STAU1: variants seen among roughly 807,000 people sequenced by gnomAD.
STAU1 encodes staufen double-stranded RNA binding protein 1.
A neutral mutation model predicts 62.9 loss-of-function variants in STAU1; 13 were observed. The ratio of observed to expected loss-of-function variants is 0.21; its 90% CI spans 0.13 to 0.33. The LOEUF is 0.33. STAU1 is among the 10% of genes least tolerant of loss of function. The probability of loss-of-function intolerance (pLI) is 1.00; values close to 1 mark genes in which losing one functional copy is unlikely to be tolerated. For missense variants in STAU1, 571 were observed against 712.1 expected (o/e 0.80, Z 2.25); for synonymous variants, 269 against 265.1 (o/e 1.01, Z -0.14).
intron 6 of STAU1, among the ~76,000 whole-genome samples, chr20:49,125,214 A>AAAAC (rs1424641780): frequency 1.4e-4 from 20 of 146,054 alleles, no homozygotes; most frequent in African/African-American, 5.0e-4. Context: ...AAAAAAAAAA[A>AAAAC]AAAAAAAAAA....
At chr20:49,122,871 A>G (rs536589624) in intron 8 of STAU1, among the ~76,000 whole-genome samples, 16 of 152,232 alleles carry the variant, frequency 1.1e-4, no homozygotes, top group African/African-American at 3.9e-4. Flanking sequence ...GAGCTGAGAC[A>G]GCACCACTGC....
intron 6 of STAU1, among the ~76,000 whole-genome samples, chr20:49,129,279 AATTTTT>A (rs1454791636): frequency 2.0e-5 from 2 of 101,958 alleles, no homozygotes; most frequent in Non-Finnish European, 1.8e-5. Flanking sequence ...TTTAAAAAAA[AATTTTT>A]TTTTTTTTTT....
chr20:49,202,327 C>T, the STAU1 span, among the ~76,000 whole-genome samples: 15,519 of 151,944 alleles, frequency 0.1, 1,095 homozygotes, highest in African/African-American at 0.2. Flanking sequence ...TTTAGGAGGC[C>T]GAGCTGGGCA....
At chr20:49,162,311 A>G (rs2093460842) in intron 3 of STAU1, among the ~76,000 whole-genome samples, 1 of 152,246 alleles carries the variant, frequency 6.6e-6, no homozygotes. Flanking sequence ...GGACGGAAAC[A>G]GTCTGTGCCT....
intron 1 of STAU1, among the ~76,000 whole-genome samples, chr20:49,175,501 A>C (rs1008033753): frequency 2.6e-5 from 4 of 151,678 alleles, no homozygotes; most frequent in Admixed American, 6.6e-5. Flanking sequence ...TTTTTTTGAG[A>C]TGGAGTCTTA....
the STAU1 span, among the ~76,000 whole-genome samples, chr20:49,206,496 A>T: frequency 1.3e-3 from 147 of 114,574 alleles, no homozygotes; most frequent in African/African-American, 4.9e-3. Flanking sequence ...ATCCTGGGCC[A>T]CCGTGCCCGG....
chr20:49,171,289 G>GTTAT (rs1008846077), intron 2 of STAU1, among the ~76,000 whole-genome samples: 13 of 152,276 alleles, frequency 8.5e-5, no homozygotes, highest in Middle Eastern at 3.4e-3. Flanking sequence ...CCTTATACCA[G>GTTAT]TTATTTATTT....
At chr20:49,135,471 C>A (rs982677109) in intron 6 of STAU1, among the ~76,000 whole-genome samples, 2 of 152,150 alleles carry the variant, frequency 1.3e-5, no homozygotes, top group African/African-American at 4.8e-5. Context: ...TCTGAAGAGA[C>A]CTTTAGGGAC....
At chr20:49,218,411 G>C in the STAU1 span, among the ~76,000 whole-genome samples, 2 of 151,532 alleles carry the variant, frequency 1.3e-5, no homozygotes, top group East Asian at 2.0e-4. Flanking sequence ...ATTTTTAGTA[G>C]AGACGGGGTT....
chr20:49,130,861 C>T (rs766764831), intron 6 of STAU1, among the ~76,000 whole-genome samples: 7 of 151,950 alleles, frequency 4.6e-5, no homozygotes, highest in Non-Finnish European at 8.8e-5. Context: ...TCATTTGAAC[C>T]CGGGAGCCAG....
the STAU1 span, among the ~76,000 whole-genome samples, chr20:49,206,414 G>GTTTTTTTTT: frequency 2.6e-5 from 2 of 76,596 alleles, no homozygotes; most frequent in Admixed American, 1.7e-4. Context: ...CTTCCTTCTG[G>GTTTTTTTTT]TTTTTTTTTT....
rs2092539389 is a variant in STAU1, at chr20:49,124,280, A to G, written c.822+95T>C. ...GCCTGGGGTGTGGCACGTTGGTCTC[A>G]TCCCCTTTCACCTTGGGGACAGCGA... On this transcript the variant is annotated intron_variant, in intron 7 of 13. Transcript: ENST00000371856. The G allele has an allele frequency of 2.3e-6, 3 of 1,331,864 alleles. No individual in the cohort carries two copies. The South Asian group carries it at 4.0e-5, about 18-fold the overall frequency. The allele number at this position is 1,331,864 out of a possible 1,614,324, so 82.5% of individuals were successfully genotyped here.
upstream of STAU1, among the ~76,000 whole-genome samples, chr20:49,192,345 CA>C (rs575816817): frequency 0.22 from 14,950 of 67,378 alleles, 639 homozygotes; most frequent in South Asian, 0.3. Flanking sequence ...GACTCCATCT[CA>C]AAAAAAAAAA....
chr20:49,168,147 CTT>C (rs1489165679), intron 2 of STAU1, among the ~76,000 whole-genome samples: 5 of 150,470 alleles, frequency 3.3e-5, no homozygotes, highest in African/African-American at 1.2e-4. Flanking sequence ...GTGTTGCAAA[CTT>C]AGCTCACTGC....
the STAU1 span, among the ~76,000 whole-genome samples, chr20:49,208,121 G>C: frequency 5.3e-5 from 8 of 152,040 alleles, no homozygotes; most frequent in Non-Finnish European, 1.2e-4. Context: ...GTGCAGTGGC[G>C]CCATCTCAGC....
chr20:49,216,570 T>TA, the STAU1 span, among the ~76,000 whole-genome samples: 2 of 151,452 alleles, frequency 1.3e-5, no homozygotes, highest in Non-Finnish European at 2.9e-5. Context: ...ACTCTCAAAA[T>TA]AAAAAAAATG....
At chr20:49,206,749 ATATT>A in the STAU1 span, among the ~76,000 whole-genome samples, 8 of 73,154 alleles carry the variant, frequency 1.1e-4, no homozygotes, top group South Asian at 7.2e-4. Context: ...ATATATATAT[ATATT>A]TTATTTTATT....
At chr20:49,205,660 G>A in the STAU1 span, among the ~76,000 whole-genome samples, 13 of 149,896 alleles carry the variant, frequency 8.7e-5, no homozygotes, top group Non-Finnish European at 1.6e-4. Flanking sequence ...CACTGTGCCT[G>A]GCCAAAGTTA....
chr20:49,166,906 T>C (rs972833323), intron 2 of STAU1, among the ~76,000 whole-genome samples: 2 of 152,262 alleles, frequency 1.3e-5, no homozygotes, highest in African/African-American at 4.8e-5. Context: ...AAGGAAACTA[T>C]CACAACCCTA....
Sources: allele counts gnomAD v4.1 joint callset (sites outside exome capture counted in the v4.1 genomes callset), GRCh38; gene constraint gnomAD v4.1.1; transcripts MANE v1.5; gene names NCBI Gene and HGNC (gene_info 2026-07-23, HGNC 2026-07-21).